The following PGCKA1 variants were observed in gnomAD, a reference collection of about 807,000 sequenced individuals.
The protein encoded by PGCKA1 is PDCD10 and GCKIII kinases-associated protein 1.
At chr4:37,558,393 C>T in the PGCKA1 span, among the ~76,000 whole-genome samples, 17 of 152,260 alleles carry the variant, frequency 1.1e-4, no homozygotes, top group African/African-American at 3.4e-4. Context: ...AAGCTTCTCC[C>T]GTAATGTCCA....
the PGCKA1 span, among the ~76,000 whole-genome samples, chr4:37,540,578 T>C: frequency 2.0e-5 from 3 of 152,236 alleles, no homozygotes; most frequent in Admixed American, 6.5e-5. Flanking sequence ...TGAAAAGATA[T>C]TTCCTTGTGC....
At chr4:37,490,428 G>A in the PGCKA1 span, among the ~76,000 whole-genome samples, 1 of 152,136 alleles carries the variant, frequency 6.6e-6, no homozygotes, top group East Asian at 1.9e-4. Context: ...AAACGTGTAG[G>A]AGTGACTTGG....
At chr4:37,463,262 G>A in the PGCKA1 span, among the ~76,000 whole-genome samples, 19,873 of 152,092 alleles carry the variant, frequency 0.13, 1,341 homozygotes, top group East Asian at 0.2. Flanking sequence ...TTTTAAAGCC[G>A]CCATTACCTG....
At chr4:37,485,577 C>A in the PGCKA1 span, among the ~76,000 whole-genome samples, 1 of 152,076 alleles carries the variant, frequency 6.6e-6, no homozygotes, top group Non-Finnish European at 1.5e-5. Flanking sequence ...TATAAATGAC[C>A]CAGTCTCAGG....
the PGCKA1 span, among the ~76,000 whole-genome samples, chr4:37,486,451 A>G: frequency 6.6e-6 from 1 of 152,306 alleles, no homozygotes; most frequent in African/African-American, 2.4e-5. Flanking sequence ...GAGACAGTTA[A>G]TCATTCTGCC....
the PGCKA1 span, among the ~76,000 whole-genome samples, chr4:37,468,892 G>T: frequency 1.3e-5 from 2 of 151,834 alleles, no homozygotes; most frequent in African/African-American, 4.8e-5. Context: ...CTTAAAATTC[G>T]GAAAAAACGT....
the PGCKA1 span, among the ~76,000 whole-genome samples, chr4:37,522,502 G>C: frequency 6.6e-6 from 1 of 152,084 alleles, no homozygotes; most frequent in African/African-American, 2.4e-5. Flanking sequence ...CCCCGCACAG[G>C]ATCAGAAATG....
At chr4:37,493,410 A>G in the PGCKA1 span, among the ~76,000 whole-genome samples, 13 of 152,198 alleles carry the variant, frequency 8.5e-5, no homozygotes, top group African/African-American at 3.1e-4. Flanking sequence ...TATTAGTTTT[A>G]TGATCACGTT....
the PGCKA1 span, among the ~76,000 whole-genome samples, chr4:37,456,730 C>T: frequency 3.3e-5 from 5 of 152,140 alleles, no homozygotes; most frequent in Non-Finnish European, 7.4e-5. Context: ...ATCCCAATAT[C>T]TTGGGAGAAA....
the PGCKA1 span, among the ~76,000 whole-genome samples, chr4:37,570,429 C>CA: frequency 0.35 from 40,983 of 117,254 alleles, 7,197 homozygotes; most frequent in East Asian, 0.58. Context: ...ATGTTTCTGC[C>CA]AAAAAAAAAA....
chr4:37,553,562 C>CATTACCATTATCTT, the PGCKA1 span, among the ~76,000 whole-genome samples: 2 of 152,154 alleles, frequency 1.3e-5, no homozygotes, highest in African/African-American at 4.8e-5. Context: ...TTGATTGTAA[C>CATTACCATTATCTT]ATGTACCATT....
the PGCKA1 span, among the ~76,000 whole-genome samples, chr4:37,568,399 C>G: frequency 1.3e-5 from 2 of 152,358 alleles, no homozygotes; most frequent in Non-Finnish European, 2.9e-5. Flanking sequence ...GCATGCACCT[C>G]TCAGCCCATT....
the PGCKA1 span, among the ~76,000 whole-genome samples, chr4:37,470,825 GT>G: frequency 6.6e-6 from 1 of 151,898 alleles, no homozygotes; most frequent in African/African-American, 2.4e-5. Context: ...TACCTAAGAA[GT>G]TTTTTTTGAG....
At chr4:37,488,053 G>A in the PGCKA1 span, among the ~76,000 whole-genome samples, 5 of 152,090 alleles carry the variant, frequency 3.3e-5, no homozygotes, top group Non-Finnish European at 7.4e-5. Flanking sequence ...TAAATATCTA[G>A]GAGTGGAAAA....
the PGCKA1 span, among the ~76,000 whole-genome samples, chr4:37,487,310 C>T: frequency 6.6e-6 from 1 of 152,186 alleles, no homozygotes; most frequent in African/African-American, 2.4e-5. Context: ...AAATCTACAA[C>T]TAAAATTTTT....
chr4:37,541,959 C>A, the PGCKA1 span, among the ~76,000 whole-genome samples: 1 of 152,128 alleles, frequency 6.6e-6, no homozygotes, highest in African/African-American at 2.4e-5. Context: ...AACTTGCAAA[C>A]AGCATGCACT....
the PGCKA1 span, among the ~76,000 whole-genome samples, chr4:37,498,445 A>G: frequency 6.6e-6 from 1 of 152,094 alleles, no homozygotes; most frequent in African/African-American, 2.4e-5. Flanking sequence ...GTGAAGAATG[A>G]TGATGGTATT....
chr4:37,520,571 T>A, the PGCKA1 span, among the ~76,000 whole-genome samples: 30,918 of 152,102 alleles, frequency 0.2, 3,884 homozygotes, highest in African/African-American at 0.35. Flanking sequence ...GTAGCCACTA[T>A]TGAACCTTTG....
chr4:37,555,712 G>A, the PGCKA1 span, among the ~76,000 whole-genome samples: 1 of 152,172 alleles, frequency 6.6e-6, no homozygotes, highest in Non-Finnish European at 1.5e-5. Flanking sequence ...AGCATTTGAT[G>A]CTGTTGGACT....
Sources: gnomAD v4.1 joint callset for allele counts (sites outside exome capture counted in the v4.1 genomes callset) on GRCh38, gnomAD v4.1.1 for gene constraint, MANE v1.5 for transcripts, NCBI Gene and HGNC (gene_info 2026-07-23, HGNC 2026-07-21) for gene names.